Variants in TNS1 observed in about 807,000 individuals in gnomAD.
TNS1 encodes the protein tensin 1.
A neutral mutation model predicts 168.6 loss-of-function variants in TNS1; 62 were observed. That is an observed-to-expected ratio of 0.37 (90% CI 0.30 to 0.45). TNS1 has a LOEUF of 0.45. Among genes scored for constraint, TNS1 ranks in the 20% least tolerant of loss-of-function variants. The pLI is 1.00. For synonymous variants in TNS1, 934 were observed against 933.2 expected (o/e 1.00, Z -0.02); for missense variants, 2,240 against 2,339.4 (o/e 0.96, Z 0.88).
intron 1 of TNS1, among the ~76,000 whole-genome samples, chr2:217,998,680 C>T (rs143124914): frequency 3.9e-5 from 6 of 152,288 alleles, no homozygotes; most frequent in African/African-American, 1.2e-4. Context: ...ATTTATTTTT[C>T]GTACAGACAT....
At chr2:217,811,454 T>C (rs1193145341) in intron 28 of TNS1, among the ~76,000 whole-genome samples, 1 of 152,150 alleles carries the variant, frequency 6.6e-6, no homozygotes, top group Non-Finnish European at 1.5e-5. Context: ...GTAGAAATTG[T>C]CCAAAAATAC....
At chr2:217,982,242 C>T (rs1958070987) in intron 2 of TNS1, among the ~76,000 whole-genome samples, 1 of 152,110 alleles carries the variant, frequency 6.6e-6, no homozygotes, top group Non-Finnish European at 1.5e-5. Flanking sequence ...TCCTCCAGCC[C>T]CAGTCAGGCT....
chr2:217,885,150 G>A lies in TNS1; in HGVS notation c.1131C>T (p.His377=). ...CTCGGGCTGGGCTTCGGAACTTCTT[G>A]TGGTAGCACTTCAGCTGGGTGGGAA... is the stretch of plus-strand genomic sequence containing the variant. ...LKGDILLKCY[H]KKFRSPARDV... The change falls in exon 16 of 33, where the codon CAC becomes CAT. Residue 377 remains histidine, a synonymous_variant. Coordinates refer to ENST00000682258, the MANE Select transcript of TNS1 (RefSeq NM_001387777.1). 6.2e-7 allele frequency: 1 copy of A among 1,614,224 alleles called. No individual in the cohort carries two copies. The highest frequency in any genetic ancestry group is 8.5e-7 in the Non-Finnish European group (1 of 1,180,034).
intron 22 of TNS1, among the ~76,000 whole-genome samples, chr2:217,828,826 C>T (rs1025160183): frequency 3.3e-5 from 5 of 152,300 alleles, no homozygotes; most frequent in East Asian, 1.9e-4. Flanking sequence ...CTGAAACACG[C>T]GAAGTTGTCT....
At chr2:217,942,187 C>T (rs1412468802) in intron 3 of TNS1, among the ~76,000 whole-genome samples, 3 of 152,142 alleles carry the variant, frequency 2.0e-5, no homozygotes, top group Non-Finnish European at 4.4e-5. Context: ...CAAGGCCAGG[C>T]GCCTGGAAGC....
intron 22 of TNS1, among the ~76,000 whole-genome samples, 198 bp from the exon 23 acceptor site, chr2:217,822,136 G>C (rs1174327024): frequency 6.6e-6 from 1 of 152,134 alleles, no homozygotes; most frequent in African/African-American, 2.4e-5. Context: ...GCCTTGCTCA[G>C]AGGAGGGGGC....
At chr2:217,850,076 C>G in intron 18 of TNS1, 1 of 985,454 alleles carries the variant, frequency 1.0e-6, no homozygotes, top group South Asian at 4.7e-5. Flanking sequence ...TACCCCTCCA[C>G]CAGCAAGCTC....
chr2:217,996,923 C>G (rs887306696), intron 1 of TNS1, among the ~76,000 whole-genome samples: 4 of 152,076 alleles, frequency 2.6e-5, no homozygotes, highest in African/African-American at 9.7e-5. Flanking sequence ...CCTACCCAGC[C>G]CACCCTGCCA....
At chr2:217,961,621 A>G (rs1436778530) in intron 3 of TNS1, among the ~76,000 whole-genome samples, 1 of 152,216 alleles carries the variant, frequency 6.6e-6, no homozygotes, top group Non-Finnish European at 1.5e-5. Flanking sequence ...GTGGGAATCA[A>G]AGGTCACAGC....
chr2:217,808,496 T>A, intron 31 of TNS1, 107 bp downstream of exon 31: 5 of 1,075,612 alleles, frequency 4.6e-6, no homozygotes, highest in Non-Finnish European at 2.8e-6. Context: ...GAATGGAGAA[T>A]GTATGCACAT....
chr2:217,815,077 G>A, intron 24 of TNS1, 79 bp from the exon 25 acceptor site: 2 of 1,195,718 alleles, frequency 1.7e-6, no homozygotes, highest in Non-Finnish European at 2.4e-6. Flanking sequence ...CTGGCCCCCA[G>A]TGCTTGTGAA....
At chr2:217,894,636 G>A (rs1265689666) in intron 9 of TNS1, among the ~76,000 whole-genome samples, 3 of 152,044 alleles carry the variant, frequency 2.0e-5, no homozygotes, top group South Asian at 4.1e-4. Flanking sequence ...CAGCCTGGGC[G>A]ACAGAGGGGG....
At chr2:218,010,057 G>A (rs1958691949) in intron 1 of TNS1, 1 of 337,564 alleles carries the variant, frequency 3.0e-6, no homozygotes, top group South Asian at 1.4e-4. Context: ...GGGAGGGGGC[G>A]GGGGGGGGTC....
At chr2:218,022,545 T>C (rs991245970) in intron 1 of TNS1, among the ~76,000 whole-genome samples, 3 of 151,320 alleles carry the variant, frequency 2.0e-5, no homozygotes, top group Non-Finnish European at 2.9e-5. Flanking sequence ...GAGGGGACAA[T>C]GAAGAGGGGA....
chr2:217,843,210 T>C (rs1350354610), intron 19 of TNS1, among the ~76,000 whole-genome samples: 1 of 152,012 alleles, frequency 6.6e-6, no homozygotes, highest in Non-Finnish European at 1.5e-5. Flanking sequence ...TCTTTATCTA[T>C]CCTTTATTCT....
chr2:217,929,630 C>A (rs1176214001), intron 3 of TNS1, among the ~76,000 whole-genome samples: 1 of 152,060 alleles, frequency 6.6e-6, no homozygotes, highest in Non-Finnish European at 1.5e-5. Context: ...TCCTGGCCTT[C>A]CTGCATGGCA....
chr2:218,022,806 A>G, intron 1 of TNS1, among the ~76,000 whole-genome samples: 1 of 116,042 alleles, frequency 8.6e-6, no homozygotes, highest in East Asian at 2.5e-4. Flanking sequence ...GGTGGCAGAG[A>G]TGGGGGATGG....
At chr2:217,851,384 A>G (rs1306329587) in intron 18 of TNS1, among the ~76,000 whole-genome samples, 1 of 150,870 alleles carries the variant, frequency 6.6e-6, no homozygotes, top group Non-Finnish European at 1.5e-5. Flanking sequence ...CAGGCCAGCC[A>G]TGTTACAACA....
chr2:217,835,945 T>A, intron 20 of TNS1, 70 bp downstream of exon 20: 2 of 1,384,878 alleles, frequency 1.4e-6, no homozygotes, highest in Non-Finnish European at 2.0e-6. Context: ...AAGTTGACCA[T>A]CAGGTTTCTG....
Sources: allele counts gnomAD v4.1 joint callset (sites outside exome capture counted in the v4.1 genomes callset), GRCh38; gene constraint gnomAD v4.1.1; transcripts MANE v1.5; gene names NCBI Gene and HGNC (gene_info 2026-07-23, HGNC 2026-07-21).